The following PXDNL variants were observed in gnomAD, a reference collection of about 807,000 sequenced individuals.
PXDNL encodes probable oxidoreductase PXDNL.
A neutral mutation model predicts 150.8 loss-of-function variants in PXDNL; 145 were observed. The ratio of observed to expected loss-of-function variants is 0.96; its 90% CI spans 0.84 to 1.10. The LOEUF (loss-of-function observed/expected upper bound fraction) is 1.10. Ranked by LOEUF, PXDNL falls within the 50% of genes least tolerant of loss-of-function variation. The pLI is 0.00. For missense variants in PXDNL, 2,087 were observed against 1,873.9 expected (o/e 1.11, Z -2.10); for synonymous variants, 757 against 725.7 (o/e 1.04, Z -0.69).
intron 19 of PXDNL, among the ~76,000 whole-genome samples, chr8:51,365,743 A>G (rs1406110751): frequency 2.0e-5 from 3 of 152,188 alleles, no homozygotes; most frequent in Non-Finnish European, 2.9e-5. Flanking sequence ...GGTAACTGAG[A>G]GTGGTGATAA....
At chr8:51,568,809 A>G (rs1439210198) in intron 3 of PXDNL, among the ~76,000 whole-genome samples, 2 of 150,882 alleles carry the variant, frequency 1.3e-5, no homozygotes, top group African/African-American at 4.9e-5. Flanking sequence ...TTCTCTTTGT[A>G]TTTCAGTTTA....
chr8:51,718,540 A>G (rs1365858843), intron 1 of PXDNL, among the ~76,000 whole-genome samples: 1 of 152,248 alleles, frequency 6.6e-6, no homozygotes, highest in African/African-American at 2.4e-5. Flanking sequence ...CGAACTTCAT[A>G]GTTTGCCTCT....
intron 10 of PXDNL, among the ~76,000 whole-genome samples, chr8:51,451,716 G>A (rs1226565305): frequency 2.0e-5 from 3 of 152,138 alleles, no homozygotes; most frequent in South Asian, 2.1e-4. Context: ...GTGGATAACT[G>A]TGATCTCAGT....
chr8:51,357,836 C>A (rs1806563916), intron 19 of PXDNL, among the ~76,000 whole-genome samples: 1 of 152,092 alleles, frequency 6.6e-6, no homozygotes, highest in Non-Finnish European at 1.5e-5. Context: ...TGTCAATATC[C>A]ACAACATACC....
At chr8:51,387,663 C>T (rs1435678952) in intron 17 of PXDNL, among the ~76,000 whole-genome samples, 1 of 152,042 alleles carries the variant, frequency 6.6e-6, no homozygotes, top group Non-Finnish European at 1.5e-5. Context: ...TATGAATTAA[C>T]GTAATTACTA....
At chr8:51,717,655 C>A (rs765563238) in intron 1 of PXDNL, among the ~76,000 whole-genome samples, 9 of 152,204 alleles carry the variant, frequency 5.9e-5, no homozygotes, top group Non-Finnish European at 1.2e-4. Flanking sequence ...TTGTGTGTGA[C>A]CAGAGACCAC....
intron 1 of PXDNL, among the ~76,000 whole-genome samples, chr8:51,662,559 A>G (rs1417793782): frequency 2.0e-5 from 3 of 152,222 alleles, no homozygotes; most frequent in African/African-American, 7.2e-5. Flanking sequence ...CAATAAAAAT[A>G]CACATTTTAA....
intron 12 of PXDNL, among the ~76,000 whole-genome samples, chr8:51,437,380 A>C (rs1586106299): frequency 1.3e-5 from 2 of 152,296 alleles, no homozygotes; most frequent in Admixed American, 6.5e-5. Flanking sequence ...GAAAGGACAT[A>C]ACAGAAAAAG....
chr8:51,447,476 A>G (rs974824622), intron 11 of PXDNL, among the ~76,000 whole-genome samples: 2 of 152,018 alleles, frequency 1.3e-5, no homozygotes, highest in African/African-American at 4.8e-5. Context: ...TTCAAAACCA[A>G]TCTGATTCTT....
chr8:51,565,055 A>G (rs1812788889), intron 3 of PXDNL, among the ~76,000 whole-genome samples: 1 of 151,830 alleles, frequency 6.6e-6, no homozygotes, highest in South Asian at 2.1e-4. Context: ...TCCTGAGCCT[A>G]GTGGGAAAGC....
At chr8:51,696,709 ACAGGTT>A (rs1816140668) in intron 1 of PXDNL, among the ~76,000 whole-genome samples, 1 of 127,330 alleles carries the variant, frequency 7.9e-6, no homozygotes, top group Non-Finnish European at 1.8e-5. Context: ...ACATCCACAC[ACAGGTT>A]CACACACATC....
chr8:51,757,324 T>C (rs2037112888), intron 1 of PXDNL, among the ~76,000 whole-genome samples: 1 of 152,196 alleles, frequency 6.6e-6, no homozygotes, highest in Admixed American at 6.5e-5. Context: ...ACATCGAGGA[T>C]TGAAAGGCAC....
At chr8:51,424,601 G>A (rs1031200193) in intron 13 of PXDNL, among the ~76,000 whole-genome samples, 1 of 151,878 alleles carries the variant, frequency 6.6e-6, no homozygotes, top group Non-Finnish European at 1.5e-5. Context: ...TTATTAAAGT[G>A]CATTTACTTT....
rs1012722379 is a variant in PXDNL at position 51,454,966 on chromosome 8, G to A, written c.983-1181C>T. On this transcript the variant is annotated intron_variant, in intron 9 of 22. Transcript: ENST00000356297. ...GCAAGAGGTAAGGGAAAAATTAGCC[G>A]GGCGCGGTGGCGGGCGCCTGTAGTC... 2.6e-4 allele frequency among the ~76,000 whole-genome samples: 25 copies of A among 96,430 alleles called. 4 individuals carry two copies. The highest frequency in any genetic ancestry group is 1.4e-3 in the African/African-American group (20 of 13,872). The allele number at this position is 96,430 out of a possible 152,430, so 63.3% of individuals were successfully genotyped here.
intron 8 of PXDNL, among the ~76,000 whole-genome samples, chr8:51,471,692 GT>G (rs1259282777): frequency 4.8e-4 from 68 of 142,256 alleles, no homozygotes; most frequent in African/African-American, 6.3e-4. Flanking sequence ...TTTTTTTTTG[GT>G]TTTTTTTTTT....
chr8:51,656,484 C>T (rs911386438), intron 1 of PXDNL, among the ~76,000 whole-genome samples: 42 of 152,096 alleles, frequency 2.8e-4, no homozygotes, highest in African/African-American at 9.6e-4. Flanking sequence ...TATGTAGACC[C>T]GAATACCCTG....
chr8:51,481,937 G>A (rs1810614034), intron 6 of PXDNL, among the ~76,000 whole-genome samples: 2 of 152,226 alleles, frequency 1.3e-5, no homozygotes, highest in South Asian at 4.1e-4. Context: ...GGGCAGTGTG[G>A]AAGGGAAATG....
At chr8:51,417,347 G>T (rs575229574) in intron 14 of PXDNL, among the ~76,000 whole-genome samples, 2 of 152,300 alleles carry the variant, frequency 1.3e-5, no homozygotes, top group East Asian at 3.9e-4. Context: ...TCCTATCCCT[G>T]CATCTATGAG....
chr8:51,416,506 T>G (rs1327591651), intron 14 of PXDNL, among the ~76,000 whole-genome samples: 1 of 152,246 alleles, frequency 6.6e-6, no homozygotes, highest in African/African-American at 2.4e-5. Flanking sequence ...GAGAAAGCCT[T>G]GCTCAGCACA....
Sources: gnomAD v4.1 joint callset for allele counts (sites outside exome capture counted in the v4.1 genomes callset) on GRCh38, gnomAD v4.1.1 for gene constraint, MANE v1.5 for transcripts, NCBI Gene and HGNC (gene_info 2026-07-23, HGNC 2026-07-21) for gene names.